MYT1L: variants seen among roughly 807,000 people sequenced by gnomAD.
MYT1L encodes the protein myelin transcription factor 1 like.
In MYT1L, 12 loss-of-function variants were observed where a neutral mutation model predicts 126.7. That is an observed-to-expected ratio of 0.09 (90% CI 0.06 to 0.15). The LOEUF is 0.15. MYT1L is among the 10% of genes least tolerant of loss of function. MYT1L has a pLI of 1.00. For synonymous variants in MYT1L, 541 were observed against 604.2 expected, an observed-to-expected ratio of 0.90 and a Z score of 1.53; for missense variants, 979 against 1,585.2, an observed-to-expected ratio of 0.62 and a Z score of 6.49.
At chr2:2,032,138 T>C (rs1259608853) in intron 4 of MYT1L, among the ~76,000 whole-genome samples, 1 of 126,840 alleles carries the variant, frequency 7.9e-6, no homozygotes, top group South Asian at 3.0e-4. Context: ...GAGCAGATTC[T>C]AGAAGGAGGG....
At chr2:2,085,804 C>T (rs1373979507) in intron 3 of MYT1L, among the ~76,000 whole-genome samples, 2 of 152,160 alleles carry the variant, frequency 1.3e-5, no homozygotes, top group Non-Finnish European at 2.9e-5. Context: ...GTGCTGGAAT[C>T]GACCCACACG....
chr2:2,228,441 T>A lies in MYT1L; in HGVS notation c.-420-55453A>T, dbSNP rs1323972379. ...GTCTTATCCAAAAGCAAACATTTTT[T>A]AATACTGTTATCTAATTAAATAGTT... On this transcript the variant is annotated intron_variant, in intron 2 of 24. Coordinates refer to ENST00000647738, the MANE Select transcript of MYT1L (RefSeq NM_001303052.2). The surrounding 1 kb of genome is among the most constrained non-coding windows in gnomAD (Gnocchi z 5.9). Among the ~76,000 whole-genome samples the A allele has an allele frequency of 1.3e-5, 2 of 152,250 alleles. No individual in the cohort carries two copies. Among genetic ancestry groups the A allele is most frequent in the African/African-American group, 4.8e-5 (2 of 41,480 alleles).
At chr2:2,151,558 T>C (rs1051988392) in intron 3 of MYT1L, among the ~76,000 whole-genome samples, 7 of 152,348 alleles carry the variant, frequency 4.6e-5, no homozygotes, top group Admixed American at 4.6e-4. Flanking sequence ...AAGTGCAATA[T>C]GACATTTGAA....
At chr2:2,280,069 A>C (rs770248635) in intron 2 of MYT1L, among the ~76,000 whole-genome samples, 5 of 152,256 alleles carry the variant, frequency 3.3e-5, no homozygotes, top group African/African-American at 7.2e-5. Context: ...AATAAACTAT[A>C]AGTGTCATCA....
In MYT1L at chr2:2,284,959, G is replaced by A. The variant is rs112875499; in HGVS notation, c.-520-456C>T. 7.6e-3 allele frequency among the ~76,000 whole-genome samples: 1,160 copies of A among 152,196 alleles called. 9 individuals carry two copies. Among genetic ancestry groups the A allele is most frequent in the African/African-American group, 0.024 (994 of 41,518 alleles). On this transcript the variant is annotated intron_variant, in intron 1 of 24. Transcript: ENST00000647738. Reference sequence around the variant, plus strand: ...TCTTGATCTCCTGACCTCGGGATCCGCCCACCTTAGCCTCCCAAAGTGCTG... The same window carrying A: ...TCTTGATCTCCTGACCTCGGGATCCACCCACCTTAGCCTCCCAAAGTGCTG...
At chr2:2,197,495 A>T (rs76842139) in intron 2 of MYT1L, among the ~76,000 whole-genome samples, 3,616 of 152,212 alleles carry the variant, frequency 0.024, 142 homozygotes, top group African/African-American at 0.083. Context: ...ACATGCACAC[A>T]CACATGCATA....
At position 1,867,254 on chromosome 2, in the gene MYT1L, G is replaced by C. The variant is rs189926621; in HGVS notation, c.2712-15551C>G. On this transcript the variant is annotated intron_variant, in intron 18 of 24. Coordinates refer to ENST00000647738, the MANE Select transcript of MYT1L (RefSeq NM_001303052.2). ...ACCTTGGGCGAAGGTGTGGATGAAG[G>C]GGGGCCTTGCTGGAAATGAACCGAG... is the stretch of plus-strand genomic sequence containing the variant. 1.6e-3 allele frequency among the ~76,000 whole-genome samples: 238 copies of C among 152,114 alleles called. 4 individuals carry two copies. Among genetic ancestry groups the C allele is most frequent in the African/African-American group, 5.4e-3 (223 of 41,502 alleles).
chr2:1,889,358 C>T lies in MYT1L; in HGVS notation c.2403G>A (p.Gln801=), dbSNP rs1473208709. 1 of 1,613,858 alleles carries T rather than the reference C, an allele frequency of 6.2e-7. No individual in the cohort carries two copies. Among genetic ancestry groups the T allele is most frequent in the Non-Finnish European group, 8.5e-7 (1 of 1,179,898 alleles). ...GGAAACACCGGTTGTTCATCACTGC[C>T]TGCTGCTGGGGGGACATGGGCTCCA... is the stretch of plus-strand genomic sequence containing the variant. ...TPLEPMSPQQ[Q]AVMNNRCFQL... The change falls in exon 16 of 25, where the codon CAG becomes CAA. Residue 801 remains glutamine, a synonymous_variant. Coordinates refer to ENST00000647738, the MANE Select transcript of MYT1L (RefSeq NM_001303052.2). This position sits in a 1 kb window ranked among gnomAD's most constrained non-coding sequence, Gnocchi z 4.1.
At chr2:2,296,062 G>C (rs1161024582) in intron 1 of MYT1L, among the ~76,000 whole-genome samples, 1 of 152,152 alleles carries the variant, frequency 6.6e-6, no homozygotes, top group African/African-American at 2.4e-5. Context: ...TAAAAACTCA[G>C]TAGGATAAAT....
At chr2:2,272,367 G>A (rs531829817) in intron 2 of MYT1L, among the ~76,000 whole-genome samples, 2 of 152,196 alleles carry the variant, frequency 1.3e-5, no homozygotes, top group African/African-American at 2.4e-5. Flanking sequence ...CCCTGCCCCC[G>A]CCCTCGCTGA....
intron 5 of MYT1L, among the ~76,000 whole-genome samples, chr2:1,980,722 AC>A: frequency 6.6e-6 from 1 of 152,298 alleles, no homozygotes; most frequent in South Asian, 2.1e-4. Flanking sequence ...TGGAGTAAGG[AC>A]CAAAAATCAC....
rs1559367309 is a variant in MYT1L, at chr2:2,217,709, A to AACAAC, written c.-420-44722_-420-44721insGTTGT. 2.1e-3 allele frequency among the ~76,000 whole-genome samples: 257 copies of AACAAC among 119,868 alleles called. 8 individuals carry two copies. The highest frequency in any genetic ancestry group is 5.7e-3 in the African/African-American group (202 of 35,644). The allele number at this position is 119,868 out of a possible 152,430, so 78.6% of individuals were successfully genotyped here. On this transcript the variant is annotated intron_variant, in intron 2 of 24. Transcript: ENST00000647738. ...ACAACAACAACAACAACAACAACAA[A>AACAAC]AAAAAAAAAAGAAAGAAGGAAAAAG... is the stretch of plus-strand genomic sequence containing the variant.
At chr2:2,110,952 G>T (rs1009539371) in intron 3 of MYT1L, among the ~76,000 whole-genome samples, 1 of 152,150 alleles carries the variant, frequency 6.6e-6, no homozygotes, top group Non-Finnish European at 1.5e-5. Context: ...TGTCCCTGTG[G>T]AGCACGCAGG....
At chr2:1,843,111 C>G (rs2042033018) in intron 19 of MYT1L, among the ~76,000 whole-genome samples, 1 of 152,244 alleles carries the variant, frequency 6.6e-6, no homozygotes, top group African/African-American at 2.4e-5. Flanking sequence ...CCCTGCAACC[C>G]TTGCCGCCAT....
chr2:1,799,855 A>G (rs2034501245), intron 23 of MYT1L, among the ~76,000 whole-genome samples: 1 of 152,150 alleles, frequency 6.6e-6, no homozygotes, highest in Non-Finnish European at 1.5e-5. Flanking sequence ...TGTCCTCATG[A>G]TAGTGAGTGA....
chr2:2,143,759 T>C (rs572799652), intron 3 of MYT1L, among the ~76,000 whole-genome samples: 28 of 152,178 alleles, frequency 1.8e-4, no homozygotes, highest in African/African-American at 6.7e-4. Context: ...AAAATGCATG[T>C]TGACATGGAA....
At chr2:1,958,078 C>T (rs1315302076) in intron 8 of MYT1L, among the ~76,000 whole-genome samples, 1 of 152,178 alleles carries the variant, frequency 6.6e-6, no homozygotes, top group Non-Finnish European at 1.5e-5. Context: ...TCAAATGCAG[C>T]CATGCCTGGT....
chr2:1,861,643 TGGA>T, intron 18 of MYT1L, among the ~76,000 whole-genome samples: 1 of 74,672 alleles, frequency 1.3e-5, no homozygotes, highest in African/African-American at 4.7e-5. Context: ...TGTGTAATCC[TGGA>T]TCTTCCTACA....
intron 3 of MYT1L, among the ~76,000 whole-genome samples, chr2:2,063,853 C>A (rs1687916): frequency 2.5e-4 from 38 of 151,354 alleles, no homozygotes; most frequent in African/African-American, 8.6e-4. Flanking sequence ...TCAAAAAAAA[C>A]AAAACAAACA....
Sources: allele counts gnomAD v4.1 joint callset (sites outside exome capture counted in the v4.1 genomes callset), GRCh38; gene constraint gnomAD v4.1.1; non-coding constraint Gnocchi (gnomAD v3.1); transcripts MANE v1.5; gene names NCBI Gene and HGNC (gene_info 2026-07-23, HGNC 2026-07-21).